Variants in PIK3CB observed in about 807,000 individuals in gnomAD.
PIK3CB encodes phosphatidylinositol-4,5-bisphosphate 3-kinase catalytic subunit beta, also known as phosphatidylinositol 4,5-bisphosphate 3-kinase catalytic subunit beta isoform.
A neutral mutation model predicts 136.8 loss-of-function variants in PIK3CB; 39 were observed. The ratio of observed to expected loss-of-function variants is 0.29; its 90% confidence interval spans 0.22 to 0.37. The LOEUF (loss-of-function observed/expected upper bound fraction) is 0.37, where lower values mean the gene tolerates loss of function less well. PIK3CB is among the 10% of genes least tolerant of loss of function. PIK3CB has a pLI of 1.00. For synonymous variants in PIK3CB, 428 were observed against 436.6 expected, an observed-to-expected ratio of 0.98 and a Z score of 0.25; for missense variants, 868 against 1,275.4, an observed-to-expected ratio of 0.68 and a Z score of 4.87.
At chr3:138,733,233 C>A in intron 8 of PIK3CB, 128 bp downstream of exon 8, 1 of 433,164 alleles carries the variant, frequency 2.3e-6, no homozygotes, top group South Asian at 6.7e-5. Context: ...AATAAATTAC[C>A]ATATTCTATA....
At chr3:138,738,750 G>T (rs1398312157) in intron 5 of PIK3CB, among the ~76,000 whole-genome samples, 2 of 152,012 alleles carry the variant, frequency 1.3e-5, no homozygotes, top group Non-Finnish European at 2.9e-5. Context: ...TTCATTATAT[G>T]ATCATATACT....
intron 8 of PIK3CB, among the ~76,000 whole-genome samples, chr3:138,721,874 C>T (rs923282130): frequency 7.2e-5 from 11 of 152,156 alleles, no homozygotes; most frequent in African/African-American, 2.4e-4. Context: ...CTACATTACT[C>T]ACTGTGTCTC....
At chr3:138,779,436 G>A (rs2045899304) in intron 2 of PIK3CB, among the ~76,000 whole-genome samples, 1 of 138,196 alleles carries the variant, frequency 7.2e-6, no homozygotes, top group African/African-American at 2.7e-5. Flanking sequence ...TGTCACCCAG[G>A]ATGGAGTACA....
At chr3:138,779,388 CTTTTTT>C (rs753018315) in intron 2 of PIK3CB, among the ~76,000 whole-genome samples, 5 of 112,054 alleles carry the variant, frequency 4.5e-5, no homozygotes, top group Non-Finnish European at 6.9e-5. Flanking sequence ...GCCCGGCCTT[CTTTTTT>C]TTTTTTTTTT....
chr3:138,773,104 T>C (rs920654793), intron 2 of PIK3CB, among the ~76,000 whole-genome samples: 2 of 151,896 alleles, frequency 1.3e-5, no homozygotes. Context: ...TGTTCATTAG[T>C]ATTTCTAAAC....
At chr3:138,796,626 A>C (rs1235910999) in intron 1 of PIK3CB, 59 bp from the exon 2 acceptor site, 2 of 152,110 alleles carry the variant, frequency 1.3e-5, no homozygotes, top group Non-Finnish European at 2.9e-5. Context: ...AAGTCACGTA[A>C]ATTTTATTAC....
chr3:138,722,078 A>C (rs910115041), intron 8 of PIK3CB, among the ~76,000 whole-genome samples: 1 of 151,384 alleles, frequency 6.6e-6, no homozygotes, highest in African/African-American at 2.4e-5. Flanking sequence ...AAAATTAATC[A>C]CACAGGATCT....
intron 4 of PIK3CB, among the ~76,000 whole-genome samples, chr3:138,752,172 A>C (rs1489054156): frequency 6.6e-6 from 1 of 152,186 alleles, no homozygotes; most frequent in African/African-American, 2.4e-5. Context: ...TACAGAGAAC[A>C]AACAGAACTC....
intron 1 of PIK3CB, among the ~76,000 whole-genome samples, chr3:138,802,335 G>T (rs2046185937): frequency 6.6e-6 from 1 of 150,886 alleles, no homozygotes; most frequent in South Asian, 2.1e-4. Context: ...AGCCGAGATC[G>T]CGCCATTGCA....
At chr3:138,717,611 T>C (rs1280508133) in intron 8 of PIK3CB, among the ~76,000 whole-genome samples, 1 of 152,312 alleles carries the variant, frequency 6.6e-6, no homozygotes, top group African/African-American at 2.4e-5. Context: ...TCACAGGGGT[T>C]TGTTGTATAG....
chr3:138,826,831 G>A (rs940569580), intron 1 of PIK3CB, among the ~76,000 whole-genome samples: 1 of 152,126 alleles, frequency 6.6e-6, no homozygotes, highest in Non-Finnish European at 1.5e-5. Flanking sequence ...CACTTTGGGA[G>A]GCCAAGGCAG....
chr3:138,834,476 G>A (rs1290997618), intron 1 of PIK3CB, among the ~76,000 whole-genome samples: 2 of 152,190 alleles, frequency 1.3e-5, no homozygotes, highest in Non-Finnish European at 2.9e-5. Flanking sequence ...ACCTTGGAGA[G>A]CCCAGGGCGG....
At position 138,711,083 on chromosome 3, in the gene PIK3CB, C is replaced by CAA. The variant is rs571403491; in HGVS notation, c.1399+1123_1399+1124dup. On this transcript the variant is annotated intron_variant, in intron 10 of 23. Transcript: ENST00000674063. ...GAGGTGACAGAGCGAGACTCCATCT[C>CAA]AAAAAAAAAAAAGTGTTTTTACTAT... Among the ~76,000 whole-genome samples the CAA allele has an allele frequency of 4.5e-5, 6 of 133,508 alleles. No individual in the cohort carries two copies. The East Asian group carries it at 1.1e-3, about 24-fold the overall frequency. The allele number at this position is 133,508 out of a possible 152,430, so 87.6% of individuals were successfully genotyped here.
intron 11 of PIK3CB, among the ~76,000 whole-genome samples, chr3:138,705,251 GCATTT>G (rs953895794): frequency 4.4e-5 from 6 of 136,436 alleles, no homozygotes; most frequent in African/African-American, 1.6e-4. Context: ...ACTTCAAAAA[GCATTT>G]CATTTGAGCC....
chr3:138,680,632 ACCCT>A (rs1398291908), intron 19 of PIK3CB, among the ~76,000 whole-genome samples: 1 of 151,896 alleles, frequency 6.6e-6, no homozygotes, highest in Non-Finnish European at 1.5e-5. Context: ...CTTCAATAGC[ACCCT>A]AGACTGGATT....
Position 138,723,942 on chromosome 3 carries a change from T to C in PIK3CB, c.1051-9223A>G, listed in dbSNP as rs1207302740. On this transcript the variant is annotated intron_variant, in intron 8 of 23. Coordinates refer to ENST00000674063, the MANE Select transcript of PIK3CB (RefSeq NM_006219.3). Reference sequence around the variant, plus strand: ...GGAATTTCCCAGCCTTGATCATTTGTAAAAAGTGAAAAACTGTCTCTTCTA... The same window carrying C: ...GGAATTTCCCAGCCTTGATCATTTGCAAAAAGTGAAAAACTGTCTCTTCTA... Among the ~76,000 whole-genome samples the C allele has an allele frequency of 7.9e-5, 12 of 152,312 alleles. 1 individual carries two copies. The South Asian group carries it at 2.1e-3, about 26-fold the overall frequency.
At chr3:138,824,624 C>T (rs1242576680) in intron 1 of PIK3CB, among the ~76,000 whole-genome samples, 5 of 151,628 alleles carry the variant, frequency 3.3e-5, no homozygotes, top group Non-Finnish European at 5.9e-5. Flanking sequence ...ACCCGGGAGG[C>T]GGAGGTTGCA....
chr3:138,656,037 G>C, intron 23 of PIK3CB, 105 bp downstream of exon 23: 1 of 1,163,186 alleles, frequency 8.6e-7, no homozygotes, highest in Non-Finnish European at 1.2e-6. Context: ...CATCTTAGAG[G>C]AAATGACTTT....
intron 3 of PIK3CB, among the ~76,000 whole-genome samples, chr3:138,757,955 T>C (rs1206243077): frequency 1.3e-5 from 2 of 152,176 alleles, no homozygotes; most frequent in Admixed American, 6.5e-5. Flanking sequence ...CAGACATTTA[T>C]ACACCAATGC....
Sources: allele counts gnomAD v4.1 joint callset (sites outside exome capture counted in the v4.1 genomes callset), GRCh38; gene constraint gnomAD v4.1.1; transcripts MANE v1.5; gene names NCBI Gene and HGNC (gene_info 2026-07-23, HGNC 2026-07-21).